The following EVI5L variants were observed in gnomAD, a reference collection of about 807,000 sequenced individuals.
The protein encoded by EVI5L is ecotropic viral integration site 5 like.
EVI5L carries 30 observed loss-of-function variants against 106.1 expected under a neutral mutation model. The observed-to-expected ratio is 0.28, with a 90% CI of 0.21 to 0.38. The LOEUF is 0.38. Ranked by LOEUF, EVI5L falls within the 10% of genes least tolerant of loss-of-function variation. The probability of loss-of-function intolerance (pLI) is 1.00; values close to 1 mark genes in which losing one functional copy is unlikely to be tolerated. For missense variants in EVI5L, 809 were observed against 1,098.0 expected (o/e 0.74, Z 3.72); for synonymous variants, 489 against 483.3 (o/e 1.01, Z -0.15).
In EVI5L at chr19:7,853,345, G is replaced by A. The variant is rs776108560; in HGVS notation, c.1146+12G>A. On this transcript the variant is annotated intron_variant, in intron 10 of 19. Transcript: ENST00000538904. ...AGATCGAGATCAAAGTGAGTCCAGG[G>A]GCCCAGGGGCGGGGACAGGGATGGG... 1.9e-6 allele frequency: 3 copies of A among 1,606,162 alleles called. No individual in the cohort carries two copies. The highest frequency in any genetic ancestry group is 1.7e-5 in the Admixed American group (1 of 57,820).
At position 7,856,957 on chromosome 19, in the gene EVI5L, C is replaced by T. The variant is rs542511862; in HGVS notation, c.1201-135C>T. On this transcript the variant is annotated intron_variant, in intron 11 of 19. Coordinates refer to ENST00000538904, the MANE Select transcript of EVI5L (RefSeq NM_001159944.3). This position sits in a 1 kb window ranked among gnomAD's most constrained non-coding sequence, Gnocchi z 6.6. The stretch of plus-strand genomic sequence containing the variant: ...TCTCCTGCTGGTTCTCTGGTCTTCC[C>T]TCCTCTCTCCCCCGCTTCTAGAGAT... 171 of 916,268 alleles carry T rather than the reference C, an allele frequency of 1.9e-4. No homozygotes were observed. Among genetic ancestry groups the T allele is most frequent in the South Asian group, 1.3e-3 (91 of 71,706 alleles). 56.8% of individuals were successfully genotyped at this position (916,268 alleles called of 1,614,324 possible). A position where few individuals can be genotyped will look rare whatever the true frequency, so the allele number is the denominator to read the frequency against.
chr19:7,863,757 G>A lies in EVI5L; in HGVS notation c.*55G>A, dbSNP rs1979980933. ...GGCCGCAGCCGCGGGGGGCGCCCGG[G>A]CAGTCCGCGTTCTGCTCCCCACCTG... On this transcript the variant is annotated 3_prime_UTR_variant, in exon 20 of 20. Coordinates refer to ENST00000538904, the MANE Select transcript of EVI5L (RefSeq NM_001159944.3). This position sits in a 1 kb window ranked among gnomAD's most constrained non-coding sequence, Gnocchi z 7.7. 7.0e-7 allele frequency: 1 copy of A among 1,424,398 alleles called. No homozygotes were observed. The highest frequency in any genetic ancestry group is 9.1e-7 in the Non-Finnish European group (1 of 1,095,460). 88.2% of individuals were successfully genotyped at this position (1,424,398 alleles called of 1,614,324 possible). A position where few individuals can be genotyped will look rare whatever the true frequency, so the allele number is the denominator to read the frequency against.
chr19:7,862,354 G>A lies in EVI5L; in HGVS notation c.1801-34G>A, dbSNP rs779327528. 4.4e-6 allele frequency: 7 copies of A among 1,581,924 alleles called. No homozygotes were observed. In the African/African-American group the frequency reaches 8.1e-5, roughly 18 times the overall value. Reference sequence around the variant, plus strand: ...GCCCCTGAGTTAGGCCCTGACCGCCGCCGTCCTCCGTCCTCCCTTCCTCCC... The same window carrying A: ...GCCCCTGAGTTAGGCCCTGACCGCCACCGTCCTCCGTCCTCCCTTCCTCCC... On this transcript the variant is annotated intron_variant, in intron 16 of 19. Transcript: ENST00000538904.
At chr19:7,860,783 C>T (rs577392086) in intron 14 of EVI5L, 94 bp downstream of exon 14, 415 of 1,363,386 alleles carry the variant, frequency 3.0e-4, no homozygotes, top group Non-Finnish European at 3.9e-4. Flanking sequence ...AGGTCAGAAT[C>T]CCCCACCCCC....
At position 7,861,970 on chromosome 19, in the gene EVI5L, G is replaced by C; in HGVS notation, c.1596G>C (p.Ser532=). 2.6e-6 allele frequency: 4 copies of C among 1,549,794 alleles called. No individual in the cohort carries two copies. Among genetic ancestry groups the C allele is most frequent in the Non-Finnish European group, 3.5e-6 (4 of 1,146,832 alleles). ...TGCGGGAAGGCCAGGCGGTGGCCTC[G>C]ACGCGAGAGCTTAAACTGCAGCTGC... ...LKVREGQAVA[S]TRELKLQLQE... The change falls in exon 15 of 20, where the codon TCG becomes TCC. Residue 532 remains serine (S), a synonymous_variant. Transcript: ENST00000538904.
At chr19:7,843,532 G>GGGT (rs1978798917) in intron 1 of EVI5L, among the ~76,000 whole-genome samples, 1 of 130,238 alleles carries the variant, frequency 7.7e-6, no homozygotes, top group African/African-American at 2.9e-5. Context: ...AATAGGCATG[G>GGGT]GTGTGTCGAG....
In EVI5L at chr19:7,861,913, G is replaced by T; in HGVS notation, c.1539G>T (p.Ala513=). ...CGCTGCCCGACGAGAACAATGTGGC[G>T]CAGCTGCAGGAGGAGCTGAAGGCGC... The part of the protein sequence containing the change: ...NSSLPDENNV[A]QLQEELKALK... Residue 513 remains alanine, a synonymous_variant, in exon 15 of 20, where the codon GCG becomes GCT. Coordinates refer to ENST00000538904, the MANE Select transcript of EVI5L (RefSeq NM_001159944.3). 6.4e-7 allele frequency: 1 copy of T among 1,550,856 alleles called. No homozygotes were observed. The highest frequency in any genetic ancestry group is 8.7e-7 in the Non-Finnish European group (1 of 1,147,294).
chr19:7,851,719 G>A lies in EVI5L; in HGVS notation c.936G>A (p.Leu312=), dbSNP rs1396984866. The A allele has an allele frequency of 1.9e-6, 3 of 1,554,710 alleles. No homozygotes were observed. Among genetic ancestry groups the A allele is most frequent in the South Asian group, 2.4e-5 (2 of 81,810 alleles). Residue 312 remains leucine, a synonymous_variant, in exon 8 of 20, where the codon CTG becomes CTA. Coordinates refer to ENST00000538904, the MANE Select transcript of EVI5L (RefSeq NM_001159944.3). Reference sequence around the variant, plus strand: ...TGTTCCGAGTGGGCCTCGCCCTGCTGCAGGTGAACCAGGCAGAGCTGATGC... The same window carrying A: ...TGTTCCGAGTGGGCCTCGCCCTGCTACAGGTGAACCAGGCAGAGCTGATGC... ...EIVFRVGLAL[L]QVNQAELMQL...
At chr19:7,842,119 TGA>T (rs1327996997) in intron 1 of EVI5L, among the ~76,000 whole-genome samples, 2 of 152,090 alleles carry the variant, frequency 1.3e-5, no homozygotes, top group African/African-American at 2.4e-5. Context: ...TGTGTATGCC[TGA>T]GTGTGTGAAT....
intron 2 of EVI5L, among the ~76,000 whole-genome samples, chr19:7,847,058 G>A (rs1167865488): frequency 6.6e-6 from 1 of 152,188 alleles, no homozygotes; most frequent in Non-Finnish European, 1.5e-5. Context: ...TTGGGAGGCC[G>A]AGGCAGACGG....
chr19:7,859,654 G>A (rs1979704185), intron 13 of EVI5L, among the ~76,000 whole-genome samples: 2 of 152,220 alleles, frequency 1.3e-5, no homozygotes, highest in Admixed American at 6.5e-5. Context: ...CTGAGGCTGG[G>A]CTCATCCCAC....
Position 7,864,925 on chromosome 19 carries a change from C to G in EVI5L, c.*1223C>G, listed in dbSNP as rs1174410020. 1 of 152,506 alleles carries G rather than the reference C, an allele frequency of 6.6e-6. No individual in the cohort carries two copies. Among genetic ancestry groups the G allele is most frequent in the Admixed American group, 6.5e-5 (1 of 15,286 alleles). The allele number at this position is 152,506 out of a possible 1,614,324, so 9.4% of individuals were successfully genotyped here. On this transcript the variant is annotated 3_prime_UTR_variant, in exon 20 of 20. Transcript: ENST00000538904. The surrounding 1 kb of genome is among the most constrained non-coding windows in gnomAD (Gnocchi z 4.5). ...GCCACCATTTTGCACACTGCCTGTT[C>G]ACATGTCGCCCAGGCGGGAAAAATG...
chr19:7,851,897 A>G (rs1979269876), intron 8 of EVI5L, 127 bp downstream of exon 8: 2 of 814,626 alleles, frequency 2.5e-6, no homozygotes, highest in Non-Finnish European at 3.6e-6. Flanking sequence ...GACATCCCTG[A>G]TCTGTTCCCA....
chr19:7,862,892 CG>C (rs1979909590), intron 17 of EVI5L, 79 bp from the exon 18 acceptor site: 4 of 1,023,440 alleles, frequency 3.9e-6, no homozygotes, highest in Non-Finnish European at 5.5e-6. Context: ...CCTCCTCATT[CG>C]CCCCTGCCCG....
At position 7,862,028 on chromosome 19, in the gene EVI5L, G is replaced by C. The variant is rs1187578537; in HGVS notation, c.1644+10G>C. On this transcript the variant is annotated intron_variant, in intron 15 of 19. Transcript: ENST00000538904. ...CTCGGACACCTGGCAGGTGAGGGCC[G>C]GGTGGGCGCCGGCGGGCAGAGCGCC... is the stretch of plus-strand genomic sequence containing the variant. 2.6e-6 allele frequency: 4 copies of C among 1,542,584 alleles called. No individual in the cohort carries two copies. Among genetic ancestry groups the C allele is most frequent in the Non-Finnish European group, 3.5e-6 (4 of 1,143,778 alleles).
At chr19:7,833,409 G>T (rs887784294) in intron 1 of EVI5L, among the ~76,000 whole-genome samples, 2 of 152,250 alleles carry the variant, frequency 1.3e-5, no homozygotes, top group Non-Finnish European at 2.9e-5. Context: ...CCCAAAACTC[G>T]GAGGAACCAG....
rs2032843650 is a variant in EVI5L, at chr19:7,845,222, G to A, written c.-47-1274G>A. Among the ~76,000 whole-genome samples the A allele has an allele frequency of 6.6e-6, 1 of 152,124 alleles. No homozygotes were observed. Among genetic ancestry groups the A allele is most frequent in the African/African-American group, 2.4e-5 (1 of 41,408 alleles). ...GAGGAGCCGTGCAAATAAGGAGGCA[G>A]GAGGCAGGGTTTCCTTCCTGCCATC... On this transcript the variant is annotated intron_variant, in intron 1 of 19. Coordinates refer to ENST00000538904, the MANE Select transcript of EVI5L (RefSeq NM_001159944.3). This position sits in a 1 kb window ranked among gnomAD's most constrained non-coding sequence, Gnocchi z 4.0.
At chr19:7,862,612 CGCCTCTGCCGGCGTCCTGCCTCCCGATCT>C in intron 17 of EVI5L, 78 bp downstream of exon 17, 2 of 1,249,098 alleles carry the variant, frequency 1.6e-6, no homozygotes, top group African/African-American at 3.2e-5. Context: ...GCCCCCAATC[CGCCTCTGCCGGCGTCCTGCCTCCCGATCT>C]GCCCCTGCCC....
intron 1 of EVI5L, among the ~76,000 whole-genome samples, chr19:7,836,357 G>C (rs1978344165): frequency 6.6e-6 from 1 of 152,224 alleles, no homozygotes; most frequent in Admixed American, 6.5e-5. Flanking sequence ...CATCATATGT[G>C]CTCGCCCTCT....
Sources: allele counts gnomAD v4.1 joint callset (sites outside exome capture counted in the v4.1 genomes callset), GRCh38; gene constraint gnomAD v4.1.1; non-coding constraint Gnocchi (gnomAD v3.1); transcripts MANE v1.5; gene names NCBI Gene and HGNC (gene_info 2026-07-23, HGNC 2026-07-21).